The following PDE3B variants were observed in gnomAD, a reference collection of about 807,000 sequenced individuals.
The protein encoded by PDE3B is phosphodiesterase 3B.
A neutral mutation model predicts 116.8 loss-of-function variants in PDE3B; 66 were observed. The observed-to-expected ratio is 0.56, with a 90% confidence interval of 0.46 to 0.69. The LOEUF (loss-of-function observed/expected upper bound fraction) is 0.69. Ranked by LOEUF, PDE3B falls within the 30% of genes least tolerant of loss-of-function variation. The pLI, the probability that PDE3B is intolerant of heterozygous loss-of-function variation, is 0.00. For synonymous variants in PDE3B, 595 were observed against 533.6 expected (o/e 1.12, Z -1.59); for missense variants, 1,384 against 1,368.1 (o/e 1.01, Z -0.18).
chr11:14,792,761 C>A (rs543722662), intron 4 of PDE3B, among the ~76,000 whole-genome samples: 1 of 152,054 alleles, frequency 6.6e-6, no homozygotes, highest in Non-Finnish European at 1.5e-5. Context: ...ATCTGTGCAC[C>A]CTTTTAATTT....
At chr11:14,809,819 G>C (rs571666125) in intron 5 of PDE3B, among the ~76,000 whole-genome samples, 1 of 152,090 alleles carries the variant, frequency 6.6e-6, no homozygotes, top group East Asian at 1.9e-4. Context: ...TGGCACCTTG[G>C]TCTTGGACTT....
At chr11:14,646,460 G>T (rs554120648) in intron 1 of PDE3B, among the ~76,000 whole-genome samples, 1 of 152,258 alleles carries the variant, frequency 6.6e-6, no homozygotes, top group East Asian at 1.9e-4. Context: ...AGTGATAATA[G>T]ATAGTACTTT....
chr11:14,661,355 G>A (rs1303518834), intron 1 of PDE3B, among the ~76,000 whole-genome samples: 1 of 152,236 alleles, frequency 6.6e-6, no homozygotes, highest in African/African-American at 2.4e-5. Flanking sequence ...AACAGCTCCG[G>A]TCTACAGCTT....
the PDE3B span, among the ~76,000 whole-genome samples, chr11:14,897,659 T>C: frequency 5.8e-3 from 885 of 152,316 alleles, 48 homozygotes; most frequent in East Asian, 0.13. Flanking sequence ...TTTATTTCTC[T>C]GGGGTTTTAG....
intron 2 of PDE3B, among the ~76,000 whole-genome samples, chr11:14,785,900 A>G (rs1366620769): frequency 1.3e-5 from 2 of 152,038 alleles, no homozygotes; most frequent in Non-Finnish European, 2.9e-5. Context: ...CATACATTAT[A>G]CACTGCTTTA....
At position 14,789,200 on chromosome 11, in the gene PDE3B, G is replaced by A. The variant is rs748242339; in HGVS notation, c.1373G>A (p.Arg458His). 36 of 1,609,890 alleles carry A rather than the reference G, an allele frequency of 2.2e-5. No individual in the cohort carries two copies. Among genetic ancestry groups the A allele is most frequent in the East Asian group, 1.1e-4 (5 of 44,730 alleles). ...GTTGAACAGTCTTCAAGGTGGGATCGTAATAATGGCAAAAGACCTCACCAA... is the reference window on the plus strand; with the variant it reads ...GTTGAACAGTCTTCAAGGTGGGATCATAATAATGGCAAAAGACCTCACCAA... ...LPVEQSSRWD[R>H]NNGKRPHQEF... The change falls in exon 4 of 16, where the codon CGT (arginine) becomes CAT (histidine). Residue 458 changes from arginine (R) to histidine (H), a missense_variant. Arg to His is a conservative substitution (Grantham distance 29). This residue lies in a region of PDE3B where 956 missense variants were observed against 806.8 expected (regional missense o/e 1.18). Transcript: ENST00000282096.
chr11:14,687,727 T>C (rs1422948928), intron 1 of PDE3B, among the ~76,000 whole-genome samples: 1 of 152,168 alleles, frequency 6.6e-6, no homozygotes, highest in African/African-American at 2.4e-5. Context: ...TTTGTTTTAG[T>C]TGCCTATCAG....
chr11:14,788,830 C>A, intron 3 of PDE3B: 2 of 225,640 alleles, frequency 8.9e-6, no homozygotes, highest in South Asian at 1.2e-4. Flanking sequence ...CCGATTGTTT[C>A]TTATGAAACA....
At chr11:14,884,872 T>G in the PDE3B span, among the ~76,000 whole-genome samples, 3 of 152,104 alleles carry the variant, frequency 2.0e-5, no homozygotes, top group Non-Finnish European at 4.4e-5. Flanking sequence ...ATCATCTTTT[T>G]AAAGGTCTAT....
At chr11:14,744,738 A>C (rs1042224323) in intron 1 of PDE3B, among the ~76,000 whole-genome samples, 1 of 152,232 alleles carries the variant, frequency 6.6e-6, no homozygotes, top group African/African-American at 2.4e-5. Context: ...TGACTTTCTA[A>C]TAAAAGAGAA....
At chr11:14,807,668 G>A (rs560584948) in intron 5 of PDE3B, among the ~76,000 whole-genome samples, 108 of 152,280 alleles carry the variant, frequency 7.1e-4, no homozygotes, top group African/African-American at 2.5e-3. Flanking sequence ...CTTTGGGGTA[G>A]AGGAAGGGAT....
chr11:14,674,213 G>C, intron 1 of PDE3B: 4 of 1,251,630 alleles, frequency 3.2e-6, no homozygotes, highest in Non-Finnish European at 3.5e-6. Context: ...GGGGTTTTCT[G>C]TTTGTTCTTT....
At chr11:14,807,778 GAC>G (rs1227806924) in intron 5 of PDE3B, among the ~76,000 whole-genome samples, 2 of 152,144 alleles carry the variant, frequency 1.3e-5, no homozygotes, top group Non-Finnish European at 1.5e-5. Context: ...TGGGCACTGT[GAC>G]TCACACTTGT....
intron 2 of PDE3B, chr11:14,774,572 T>C (rs1216655804): frequency 1.3e-5 from 2 of 152,192 alleles, no homozygotes; most frequent in Admixed American, 1.3e-4. Flanking sequence ...TGTCCTCTTC[T>C]CCCTCCCACT....
chr11:14,658,334 A>G (rs966112483), intron 1 of PDE3B, among the ~76,000 whole-genome samples: 1 of 152,086 alleles, frequency 6.6e-6, no homozygotes, highest in African/African-American at 2.4e-5. Flanking sequence ...TTTAGACAAC[A>G]TATATTTTAA....
rs561778005 is a variant in PDE3B, at chr11:14,667,838, T to TAAC, written c.978+22787_978+22788insCAA. On this transcript the variant is annotated intron_variant, in intron 1 of 15. Coordinates refer to ENST00000282096, the MANE Select transcript of PDE3B (RefSeq NM_000922.4). ...ATGTACCCTAAAACTTAAAGTATAATAATAATAATAATAATAATAATAAAA... is the reference window on the plus strand; with the variant it reads ...ATGTACCCTAAAACTTAAAGTATAATAACAATAATAATAATAATAATAATAAAA... Among the ~76,000 whole-genome samples the TAAC allele has an allele frequency of 4.5e-3, 678 of 149,464 alleles. 3 individuals carry two copies. The highest frequency in any genetic ancestry group is 0.015 in the African/African-American group (604 of 40,446).
At chr11:14,686,828 C>T (rs1458409552) in intron 1 of PDE3B, among the ~76,000 whole-genome samples, 1 of 152,056 alleles carries the variant, frequency 6.6e-6, no homozygotes, top group Admixed American at 6.5e-5. Flanking sequence ...ATTCTCCTGT[C>T]TCAGCATCCC....
intron 1 of PDE3B, among the ~76,000 whole-genome samples, chr11:14,718,473 T>G (rs1855982384): frequency 6.7e-6 from 1 of 148,678 alleles, no homozygotes; most frequent in South Asian, 2.2e-4. Context: ...TATACGTTTT[T>G]TTCAGCACCA....
At chr11:14,879,979 A>G in the PDE3B span, among the ~76,000 whole-genome samples, 4 of 152,184 alleles carry the variant, frequency 2.6e-5, no homozygotes, top group Non-Finnish European at 2.9e-5. Context: ...GAGATAATAG[A>G]TTTGAAAACT....
Sources: allele counts gnomAD v4.1 joint callset (sites outside exome capture counted in the v4.1 genomes callset), GRCh38; gene constraint gnomAD v4.1.1; regional missense constraint gnomAD v4.1.1; transcripts MANE v1.5; gene names NCBI Gene and HGNC (gene_info 2026-07-23, HGNC 2026-07-21).